Variants in TPGS2 observed in about 807,000 individuals in gnomAD.
TPGS2 encodes the protein tubulin polyglutamylase complex subunit 2.
In TPGS2, 26 loss-of-function variants were observed where a neutral mutation model predicts 31.1. That is an observed-to-expected ratio of 0.84 (90% CI 0.61 to 1.16). The LOEUF (loss-of-function observed/expected upper bound fraction) is 1.16. Ranked by LOEUF, TPGS2 falls within the 50% of genes most tolerant of loss-of-function variation. The pLI is 0.00. For synonymous variants in TPGS2, 130 were observed against 136.6 expected, an observed-to-expected ratio of 0.95 and a Z score of 0.34; for missense variants, 351 against 363.8, an observed-to-expected ratio of 0.96 and a Z score of 0.29.
chr18:36,825,009 C>T (rs1255705329), intron 1 of TPGS2, among the ~76,000 whole-genome samples: 1 of 152,090 alleles, frequency 6.6e-6, no homozygotes, highest in Non-Finnish European at 1.5e-5. Flanking sequence ...GTCTAAGATA[C>T]TTTTGGAGTT....
At chr18:36,807,076 T>A (rs1644704669) in intron 3 of TPGS2, among the ~76,000 whole-genome samples, 1 of 151,408 alleles carries the variant, frequency 6.6e-6, no homozygotes, top group Admixed American at 6.6e-5. Flanking sequence ...CCAAAGTAGA[T>A]CTGGTTGGAG....
chr18:36,787,234 T>A (rs1010806803), intron 6 of TPGS2, among the ~76,000 whole-genome samples: 2 of 152,198 alleles, frequency 1.3e-5, no homozygotes, highest in Non-Finnish European at 2.9e-5. Flanking sequence ...TTTCCTGAAC[T>A]ATGAGAGGTC....
Position 36,828,800 on chromosome 18 carries a change from C to A in TPGS2, c.-33G>T. The A allele has an allele frequency of 1.2e-6, 2 of 1,608,968 alleles. No homozygotes were observed. Among genetic ancestry groups the A allele is most frequent in the African/African-American group, 2.7e-5 (2 of 74,992 alleles). ...GACCGCGATTCGCGCGCGGCGGGAGCGGGTGGAGGGCCGGACCCCGCCTCA... is the reference window on the plus strand; with the variant it reads ...GACCGCGATTCGCGCGCGGCGGGAGAGGGTGGAGGGCCGGACCCCGCCTCA... On this transcript the variant is annotated 5_prime_UTR_variant, in exon 1 of 7. Transcript: ENST00000334295.
At chr18:36,828,084 C>G (rs926144388) in intron 1 of TPGS2, among the ~76,000 whole-genome samples, 3 of 152,154 alleles carry the variant, frequency 2.0e-5, no homozygotes, top group Non-Finnish European at 4.4e-5. Flanking sequence ...AGGAGAATTG[C>G]TTGAACCCAG....
rs1210224799 is a variant in TPGS2 at position 36,828,744 on chromosome 18, C to T, written c.24G>A (p.Pro8=). ...GGTGCGGCTTGCTGCAGCCCAGCCC[C>T]GGGGACGATGCCTCCTCCTCCATGG... MEEEASS[P]GLGCSKPHLE... The change falls in exon 1 of 7, where the codon CCG becomes CCA. Residue 8 remains proline (P), a synonymous_variant. Coordinates refer to ENST00000334295, the MANE Select transcript of TPGS2 (RefSeq NM_015476.4). The T allele has an allele frequency of 2.5e-6, 4 of 1,613,978 alleles. No individual in the cohort carries two copies. The highest frequency in any genetic ancestry group is 1.1e-5 in the South Asian group (1 of 91,084).
At chr18:36,780,524 G>A (rs1237108390), downstream of TPGS2, among the ~76,000 whole-genome samples, 4 of 152,164 alleles carry the variant, frequency 2.6e-5, no homozygotes, top group South Asian at 2.1e-4. Flanking sequence ...CATGCATCAC[G>A]TAATGATGGG....
chr18:36,818,028 A>G (rs1874447965), intron 2 of TPGS2, among the ~76,000 whole-genome samples: 1 of 152,160 alleles, frequency 6.6e-6, no homozygotes, highest in Non-Finnish European at 1.5e-5. Context: ...CTGAAGACCT[A>G]TGAAGCCCTA....
intron 1 of TPGS2, among the ~76,000 whole-genome samples, chr18:36,825,707 G>A (rs947187032): frequency 1.3e-5 from 2 of 152,168 alleles, no homozygotes; most frequent in Admixed American, 6.5e-5. Flanking sequence ...ATAGTATAGG[G>A]AAATGTGAGT....
chr18:36,821,812 C>G (rs1431563907), intron 1 of TPGS2, among the ~76,000 whole-genome samples: 1 of 152,206 alleles, frequency 6.6e-6, no homozygotes, highest in Non-Finnish European at 1.5e-5. Context: ...GTGGCAGTTA[C>G]TGCAGACTGG....
intron 2 of TPGS2, among the ~76,000 whole-genome samples, chr18:36,812,053 A>C (rs1483487462): frequency 6.6e-6 from 1 of 152,242 alleles, no homozygotes; most frequent in African/African-American, 2.4e-5. Context: ...TGTCCTGTTA[A>C]AAGGTGACAG....
At chr18:36,780,752 A>G (rs2043990420), downstream of TPGS2, among the ~76,000 whole-genome samples, 1 of 152,218 alleles carries the variant, frequency 6.6e-6, no homozygotes, top group South Asian at 2.1e-4. Context: ...ACCTAAACAT[A>G]GAAAAGGTAG....
intron 2 of TPGS2, among the ~76,000 whole-genome samples, chr18:36,816,312 A>G (rs1011460508): frequency 1.3e-5 from 2 of 152,194 alleles, no homozygotes; most frequent in East Asian, 1.9e-4. Context: ...TTAGATCCCA[A>G]GAGATCCCCT....
chr18:36,805,370 C>A lies in TPGS2; in HGVS notation c.382+4G>T, dbSNP rs750403506. 6.2e-7 allele frequency: 1 copy of A among 1,613,650 alleles called. No homozygotes were observed. Among genetic ancestry groups the A allele is most frequent in the South Asian group, 1.1e-5 (1 of 91,070 alleles). ...CAAAGATACCAACCTTGGTATCTTC[C>A]TACCTTCATGTGTATCGTCCTCCAG... is the stretch of plus-strand genomic sequence containing the variant. On this transcript the variant is annotated splice_donor_region_variant and intron_variant, in intron 4 of 6. Transcript: ENST00000334295.
At chr18:36,798,721 T>C in intron 5 of TPGS2, 112 bp from the exon 6 acceptor site, 1 of 1,467,012 alleles carries the variant, frequency 6.8e-7, no homozygotes, top group Non-Finnish European at 9.0e-7. Context: ...ACAGAGAGAA[T>C]GGAAAATGTA....
In TPGS2 at chr18:36,796,814, G is replaced by A. The variant is rs1413517408; in HGVS notation, c.894C>T (p.Thr298=). The A allele has an allele frequency of 6.3e-7, 1 of 1,595,738 alleles. No individual in the cohort carries two copies. Among genetic ancestry groups the A allele is most frequent in the Admixed American group, 1.8e-5 (1 of 54,448 alleles). ...SKSSSGSGNP[T]RK is the part of the protein sequence containing the mutation. ...TTGGAGGGAGGGGTGCTCACTTCCG[G>A]GTGGGGTTTCCAGAGCCAGAGGAGG... is the stretch of plus-strand genomic sequence containing the variant. The change falls in exon 7 of 7, where the codon ACC becomes ACT. Residue 298 remains threonine (T), a synonymous_variant. Transcript: ENST00000334295.
intron 3 of TPGS2, among the ~76,000 whole-genome samples, chr18:36,807,134 G>A (rs966122005): frequency 5.3e-5 from 8 of 152,082 alleles, no homozygotes; most frequent in Non-Finnish European, 1.0e-4. Flanking sequence ...GGGAGGGGCT[G>A]GGGAATCTGT....
At chr18:36,823,557 T>C (rs555776372) in intron 1 of TPGS2, among the ~76,000 whole-genome samples, 95 of 143,486 alleles carry the variant, frequency 6.6e-4, no homozygotes, top group African/African-American at 2.5e-3. Context: ...GCCTCCCGGG[T>C]TCACGCCATT....
At chr18:36,814,199 G>T (rs1003815507) in intron 2 of TPGS2, among the ~76,000 whole-genome samples, 9 of 152,116 alleles carry the variant, frequency 5.9e-5, no homozygotes, top group Admixed American at 2.0e-4. Context: ...TAACTCTTCT[G>T]GCACCAGGAT....
At chr18:36,825,205 G>A (rs1287169558) in intron 1 of TPGS2, among the ~76,000 whole-genome samples, 1 of 152,122 alleles carries the variant, frequency 6.6e-6, no homozygotes, top group African/African-American at 2.4e-5. Context: ...GGCCGAGGCA[G>A]GTGGATCATG....
Sources: allele counts gnomAD v4.1 joint callset (sites outside exome capture counted in the v4.1 genomes callset), GRCh38; gene constraint gnomAD v4.1.1; transcripts MANE v1.5; gene names NCBI Gene and HGNC (gene_info 2026-07-23, HGNC 2026-07-21).